ZCCHC2: variants seen among roughly 807,000 people sequenced by gnomAD.
The protein encoded by ZCCHC2 is zinc finger CCHC-type containing 2, also known as zinc finger CCHC domain-containing protein 2.
ZCCHC2 carries 39 observed loss-of-function variants against 103.6 expected under a neutral mutation model. That is an observed-to-expected ratio of 0.38 (90% CI 0.29 to 0.49). The LOEUF (loss-of-function observed/expected upper bound fraction) is 0.49. Ranked by LOEUF, ZCCHC2 falls within the 20% of genes least tolerant of loss-of-function variation. The probability of loss-of-function intolerance (pLI) is 0.96; values close to 1 mark genes in which losing one functional copy is unlikely to be tolerated. For missense variants in ZCCHC2, 1,483 were observed against 1,491.0 expected, an observed-to-expected ratio of 0.99 and a Z score of 0.09; for synonymous variants, 687 against 608.9, an observed-to-expected ratio of 1.13 and a Z score of -1.89.
intron 13 of ZCCHC2, 140 bp downstream of exon 13, chr18:62,575,690 A>T: frequency 9.3e-7 from 1 of 1,080,724 alleles, no homozygotes; most frequent in Non-Finnish European, 1.3e-6. Flanking sequence ...GTGACAGATC[A>T]TAAAATGCAA....
At chr18:62,567,187 T>A (rs975332497) in intron 11 of ZCCHC2, among the ~76,000 whole-genome samples, 3 of 152,218 alleles carry the variant, frequency 2.0e-5, no homozygotes, top group Admixed American at 1.3e-4. Context: ...CCCCTCTGTG[T>A]ATTAATTTTT....
At chr18:62,584,439 C>T (rs1917120731) in intron 14 of ZCCHC2, 1 of 152,150 alleles carries the variant, frequency 6.6e-6, no homozygotes, top group Non-Finnish European at 1.5e-5. Flanking sequence ...TCTTTTTCCT[C>T]TTGCAGTTCC....
Position 62,574,530 on chromosome 18 carries a change from T to A in ZCCHC2, c.2449T>A (p.Leu817Met). The A allele has an allele frequency of 6.2e-7, 1 of 1,614,006 alleles. No individual in the cohort carries two copies. Among genetic ancestry groups the A allele is most frequent in the Non-Finnish European group, 8.5e-7 (1 of 1,179,896 alleles). Reference sequence around the variant, plus strand: ...GCATCTTACAGTTCAGAGGCTAAAGTTGCCACCACCACAGGGATCTTCTGA... The same window carrying A: ...GCATCTTACAGTTCAGAGGCTAAAGATGCCACCACCACAGGGATCTTCTGA... ...ALHLTVQRLK[L>M]PPPQGSSESC... The change falls in exon 13 of 14, where the codon TTG (leucine) becomes ATG (methionine). Residue 817 changes from leucine to methionine, a missense_variant. Leu to Met is a conservative substitution (Grantham distance 15). Around this residue, in one of 3 missense-constraint regions of ZCCHC2, gnomAD observed 884 missense variants for 907.5 expected, o/e 0.97. Coordinates refer to ENST00000269499, the MANE Select transcript of ZCCHC2 (RefSeq NM_017742.6).
intron 1 of ZCCHC2, 29 bp downstream of exon 1, chr18:62,524,392 G>T: frequency 6.9e-7 from 1 of 1,443,166 alleles, no homozygotes; most frequent in Non-Finnish European, 9.1e-7. Flanking sequence ...CCCTGGACTC[G>T]CGGTGCGATC....
chr18:62,528,986 C>G (rs1914563491), intron 1 of ZCCHC2, among the ~76,000 whole-genome samples: 1 of 151,736 alleles, frequency 6.6e-6, no homozygotes, highest in African/African-American at 2.4e-5. Context: ...GAGGTGAAAC[C>G]CTATCTCTAC....
chr18:62,555,560 G>A (rs1452991277), intron 5 of ZCCHC2, among the ~76,000 whole-genome samples: 1 of 152,188 alleles, frequency 6.6e-6, no homozygotes, highest in African/African-American at 2.4e-5. Context: ...TGTAATCCCA[G>A]CACTTTGAGA....
At chr18:62,579,390 CGGTT>C (rs977480395), downstream of ZCCHC2, among the ~76,000 whole-genome samples, 128 of 152,250 alleles carry the variant, frequency 8.4e-4, no homozygotes, top group African/African-American at 2.8e-3. Context: ...TTATAAGAGA[CGGTT>C]GGGGGCCTGT....
chr18:62,577,379 AAC>A lies in ZCCHC2; in HGVS notation c.*805_*806del, dbSNP rs1474660580. The A allele has an allele frequency of 6.6e-6, 1 of 152,242 alleles. No homozygotes were observed. The highest frequency in any genetic ancestry group is 1.5e-5 in the Non-Finnish European group (1 of 68,032). 9.4% of individuals were successfully genotyped at this position (152,242 alleles called of 1,614,324 possible). The stretch of plus-strand genomic sequence containing the variant: ...TGTTGCTTCAGAGAGACACAAAGTG[AAC>A]ACACTGGTGTGAATGTCGCTCTCTG... On this transcript the variant is annotated 3_prime_UTR_variant, in exon 14 of 14. Coordinates refer to ENST00000269499, the MANE Select transcript of ZCCHC2 (RefSeq NM_017742.6).
rs1914213313 is a variant in ZCCHC2, at chr18:62,524,070, G to C, written c.646G>C (p.Gly216Arg). The C allele has an allele frequency of 1.3e-6, 2 of 1,494,432 alleles. No homozygotes were observed. Among genetic ancestry groups the C allele is most frequent in the Admixed American group, 2.3e-5 (1 of 42,896 alleles). 92.6% of individuals were successfully genotyped at this position (1,494,432 alleles called of 1,614,324 possible). A position where few individuals can be genotyped will look rare whatever the true frequency, so the allele number is the denominator to read the frequency against. ...GGCCCGGGGCGAGGGCTCGCGGGGC[G>C]GCGCGGAGGACGAGCGCGGCGAGGA... Reference protein sequence around the residue: ...RAARGEGSRGGAEDERGEDGD... With the variant: ...RAARGEGSRGRAEDERGEDGD... Residue 216 changes from glycine (G) to arginine (R), a missense_variant, in exon 1 of 14, where the codon GGC becomes CGC. By Grantham distance (125) the Gly-to-Arg change is moderately radical. This residue lies in a region of ZCCHC2 where 568 missense variants were observed against 525.1 expected (regional missense o/e 1.08). Coordinates refer to ENST00000269499, the MANE Select transcript of ZCCHC2 (RefSeq NM_017742.6).
At chr18:62,524,461 C>T (rs1914255420) in intron 1 of ZCCHC2, 98 bp downstream of exon 1, 4 of 1,397,236 alleles carry the variant, frequency 2.9e-6, no homozygotes, top group Non-Finnish European at 3.7e-6. Context: ...AGCCCCAGCC[C>T]GGCGCAGGTG....
At chr18:62,566,790 AGTAATGCCT>A in intron 11 of ZCCHC2, among the ~76,000 whole-genome samples, 1 of 152,240 alleles carries the variant, frequency 6.6e-6, no homozygotes, top group South Asian at 2.1e-4. Context: ...GTAAAACAGG[AGTAATGCCT>A]GCTTCAGCAG....
At chr18:62,579,147 G>A (rs1001895019), downstream of ZCCHC2, among the ~76,000 whole-genome samples, 4 of 152,154 alleles carry the variant, frequency 2.6e-5, no homozygotes, top group African/African-American at 7.2e-5. Context: ...TTGAGTACTC[G>A]GCTGCGTGCC....
intron 10 of ZCCHC2, 27 bp downstream of exon 10, chr18:62,564,662 A>G (rs1380983525): frequency 8.0e-6 from 12 of 1,498,560 alleles, no homozygotes; most frequent in South Asian, 3.8e-5. Context: ...GAAAGACAGC[A>G]TATAGCCTTT....
chr18:62,575,924 T>G, intron 13 of ZCCHC2, among the ~76,000 whole-genome samples: 1 of 152,110 alleles, frequency 6.6e-6, no homozygotes, highest in Non-Finnish European at 1.5e-5. Flanking sequence ...TAGGAAGTAA[T>G]TTAGTTATCT....
intron 1 of ZCCHC2, chr18:62,524,930 G>C (rs918273487): frequency 6.5e-6 from 1 of 152,934 alleles, no homozygotes; most frequent in African/African-American, 2.4e-5. Context: ...GTGTGCCTGA[G>C]TTAAAAGGGG....
chr18:62,582,327 C>A (rs1917057811), downstream of ZCCHC2, among the ~76,000 whole-genome samples: 1 of 152,190 alleles, frequency 6.6e-6, no homozygotes, highest in Admixed American at 6.5e-5. Flanking sequence ...GTAGAAGGAA[C>A]CTTGATGCTC....
chr18:62,583,784 C>T (rs188576005), intron 14 of ZCCHC2, among the ~76,000 whole-genome samples: 65 of 152,142 alleles, frequency 4.3e-4, no homozygotes, highest in African/African-American at 1.4e-3. Context: ...AACGTAGTCA[C>T]GACATCTCTA....
chr18:62,530,912 T>C (rs934112478), intron 1 of ZCCHC2, among the ~76,000 whole-genome samples: 2 of 152,254 alleles, frequency 1.3e-5, no homozygotes, highest in Non-Finnish European at 2.9e-5. Context: ...TTTTGCACTT[T>C]TGTTAAGTTA....
At chr18:62,549,972 T>C (rs944728066) in intron 4 of ZCCHC2, among the ~76,000 whole-genome samples, 1 of 152,138 alleles carries the variant, frequency 6.6e-6, no homozygotes, top group Admixed American at 6.5e-5. Context: ...AGGGTAAAAA[T>C]AGTACTAGCT....
Sources: gnomAD v4.1 joint callset for allele counts (sites outside exome capture counted in the v4.1 genomes callset) on GRCh38, gnomAD v4.1.1 for gene constraint, gnomAD v4.1.1 regional missense constraint, MANE v1.5 for transcripts, NCBI Gene and HGNC (gene_info 2026-07-23, HGNC 2026-07-21) for gene names.